Variants in CREB5 observed in about 807,000 individuals in gnomAD.
The protein encoded by CREB5 is cyclic AMP-responsive element-binding protein 5.
A neutral mutation model predicts 57.1 loss-of-function variants in CREB5; 19 were observed. The observed-to-expected ratio is 0.33, with a 90% CI of 0.23 to 0.49. CREB5 has a LOEUF of 0.49. CREB5 is among the 20% of genes least tolerant of loss of function. CREB5 has a pLI of 0.99. For missense variants in CREB5, 579 were observed against 671.6 expected (o/e 0.86, Z 1.52); for synonymous variants, 238 against 238.3 (o/e 1.00, Z 0.01).
At chr7:28,506,805 T>G (rs1435306581) in intron 3 of CREB5, among the ~76,000 whole-genome samples, 1 of 152,256 alleles carries the variant, frequency 6.6e-6, no homozygotes, top group Non-Finnish European at 1.5e-5. Context: ...TTGTGAGATC[T>G]AGATTCTCAA....
intron 1 of CREB5, among the ~76,000 whole-genome samples, chr7:28,395,670 G>A (rs1314813408): frequency 1.3e-5 from 2 of 152,164 alleles, no homozygotes; most frequent in East Asian, 1.9e-4. Context: ...TCCGAAACAG[G>A]CCTCTGCTTT....
intron 4 of CREB5, among the ~76,000 whole-genome samples, chr7:28,521,970 T>C (rs1583572942): frequency 6.6e-6 from 1 of 152,220 alleles, no homozygotes; most frequent in East Asian, 1.9e-4. Flanking sequence ...TTATTAAAAT[T>C]GAGATTATAA....
chr7:28,696,055 G>A lies in CREB5; in HGVS notation c.465-22698G>A, dbSNP rs545257348. Among the ~76,000 whole-genome samples the A allele has an allele frequency of 2.6e-5, 4 of 152,324 alleles. No homozygotes were observed. The South Asian group carries it at 8.3e-4, about 32-fold the overall frequency. ...AGGACGCTGGCCTTCTCTGACATCT[G>A]ACAGTGCAGTGGAGCAGCATTTTCA... On this transcript the variant is annotated intron_variant, in intron 5 of 10. Coordinates refer to ENST00000357727, the MANE Select transcript of CREB5 (RefSeq NM_182898.4).
chr7:28,400,763 A>G (rs930660306), intron 1 of CREB5, among the ~76,000 whole-genome samples: 7 of 152,218 alleles, frequency 4.6e-5, no homozygotes, highest in Non-Finnish European at 7.3e-5. Flanking sequence ...TCATTTTAAA[A>G]AGGTACTTAT....
chr7:28,671,129 C>T (rs1459899848), intron 5 of CREB5, among the ~76,000 whole-genome samples: 1 of 151,922 alleles, frequency 6.6e-6, no homozygotes, highest in African/African-American at 2.4e-5. Context: ...GCAGGACAGG[C>T]CTGTAGTCCC....
At chr7:28,480,635 T>C (rs1000285323) in intron 1 of CREB5, among the ~76,000 whole-genome samples, 1 of 152,220 alleles carries the variant, frequency 6.6e-6, no homozygotes, top group African/African-American at 2.4e-5. Context: ...TTACATTCAA[T>C]ATTTCCTTCA....
chr7:28,515,669 CCAAT>C (rs1412092490), intron 4 of CREB5, among the ~76,000 whole-genome samples: 2 of 152,080 alleles, frequency 1.3e-5, no homozygotes, highest in African/African-American at 4.8e-5. Context: ...CTCCTTAGGT[CCAAT>C]CAAATTTCTT....
At chr7:28,313,154 A>G (rs1218563854) in intron 1 of CREB5, among the ~76,000 whole-genome samples, 1 of 152,176 alleles carries the variant, frequency 6.6e-6, no homozygotes, top group Non-Finnish European at 1.5e-5. Context: ...GTATGTACGC[A>G]GCTGTTATTG....
chr7:28,522,033 G>T (rs1010271961), intron 4 of CREB5, among the ~76,000 whole-genome samples: 2 of 152,134 alleles, frequency 1.3e-5, no homozygotes, highest in African/African-American at 2.4e-5. Flanking sequence ...TATTTGTCAG[G>T]TGCCGTTCTA....
intron 5 of CREB5, among the ~76,000 whole-genome samples, chr7:28,708,982 G>C (rs537261820): frequency 2.1e-4 from 32 of 152,320 alleles, no homozygotes; most frequent in Non-Finnish European, 4.1e-4. Context: ...TGTGAGGCAA[G>C]GAGGAATCTT....
chr7:28,451,424 G>C (rs1370339040), intron 1 of CREB5, among the ~76,000 whole-genome samples: 2 of 151,090 alleles, frequency 1.3e-5, no homozygotes, highest in African/African-American at 4.9e-5. Context: ...CACTTTTCTG[G>C]GGTGCCATTC....
At chr7:28,515,809 T>G (rs1792918118) in intron 4 of CREB5, among the ~76,000 whole-genome samples, 1 of 152,088 alleles carries the variant, frequency 6.6e-6, no homozygotes, top group Non-Finnish European at 1.5e-5. Context: ...AACATAACTT[T>G]AAAGAGATAC....
chr7:28,350,793 G>T (rs138920518), intron 1 of CREB5, among the ~76,000 whole-genome samples: 1 of 152,086 alleles, frequency 6.6e-6, no homozygotes, highest in Non-Finnish European at 1.5e-5. Flanking sequence ...GCTGCAGAAG[G>T]CAGAGCTGGG....
chr7:28,428,979 G>A (rs570632598), intron 1 of CREB5, among the ~76,000 whole-genome samples: 4 of 152,180 alleles, frequency 2.6e-5, no homozygotes, highest in South Asian at 2.1e-4. Context: ...TTCCTCCAAG[G>A]CACTTAAATC....
chr7:28,376,859 T>A (rs1460025537), intron 1 of CREB5, among the ~76,000 whole-genome samples: 2 of 152,198 alleles, frequency 1.3e-5, no homozygotes, highest in South Asian at 2.1e-4. Context: ...GCCATGTATT[T>A]ACATAACTAG....
Position 28,774,670 on chromosome 7 carries a change from G to C in CREB5, c.703-29529G>C, listed in dbSNP as rs139766309. ...ATGGTATGCCATAAATCAGCAGAGT[G>C]GGGGTGGGTAATGAAAGGACATCAA... On this transcript the variant is annotated intron_variant, in intron 7 of 10. Transcript: ENST00000357727. 3.9e-3 allele frequency among the ~76,000 whole-genome samples: 596 copies of C among 152,322 alleles called. 5 individuals are homozygous for C. The highest frequency in any genetic ancestry group is 0.013 in the African/African-American group (556 of 41,572).
intron 1 of CREB5, among the ~76,000 whole-genome samples, chr7:28,321,832 T>G (rs1287246285): frequency 6.6e-6 from 1 of 152,204 alleles, no homozygotes; most frequent in Non-Finnish European, 1.5e-5. Flanking sequence ...GCGCCGATGC[T>G]CCAAGGGGTG....
At chr7:28,483,453 T>A (rs1287714130) in intron 1 of CREB5, among the ~76,000 whole-genome samples, 1 of 152,230 alleles carries the variant, frequency 6.6e-6, no homozygotes, top group Non-Finnish European at 1.5e-5. Flanking sequence ...GGATTTGTTA[T>A]CAGAGTTTTT....
At chr7:28,694,484 G>A (rs1471133064) in intron 5 of CREB5, among the ~76,000 whole-genome samples, 3 of 152,106 alleles carry the variant, frequency 2.0e-5, no homozygotes, top group African/African-American at 4.8e-5. Context: ...CACAGGGAAC[G>A]TCATTTGATT....
Sources: allele counts gnomAD v4.1 joint callset (sites outside exome capture counted in the v4.1 genomes callset), GRCh38; gene constraint gnomAD v4.1.1; transcripts MANE v1.5; gene names NCBI Gene and HGNC (gene_info 2026-07-23, HGNC 2026-07-21).